The following TSHZ3 variants were observed in gnomAD, a reference collection of about 807,000 sequenced individuals.
TSHZ3 encodes teashirt homolog 3.
TSHZ3 carries 10 observed loss-of-function variants against 64.5 expected under a neutral mutation model. The observed-to-expected ratio is 0.16, with a 90% CI of 0.10 to 0.26. The LOEUF is 0.26. Ranked by LOEUF, TSHZ3 falls within the 10% of genes least tolerant of loss-of-function variation. The pLI is 1.00. For missense variants in TSHZ3, 1,242 were observed against 1,421.7 expected (o/e 0.87, Z 2.03); for synonymous variants, 608 against 593.1 (o/e 1.03, Z -0.36).
chr19:31,152,277 T>C (rs1017066786), intron 6 of TSHZ3, among the ~76,000 whole-genome samples: 2 of 60,518 alleles, frequency 3.3e-5, no homozygotes, highest in African/African-American at 1.6e-4. Flanking sequence ...CATGTGTATA[T>C]GTGAGCGTGT....
At chr19:31,229,624 A>G (rs1975513711) in intron 3 of TSHZ3, among the ~76,000 whole-genome samples, 1 of 152,226 alleles carries the variant, frequency 6.6e-6, no homozygotes, top group African/African-American at 2.4e-5. Context: ...ATCTTGATGA[A>G]ATTGATCACA....
intron 1 of TSHZ3, among the ~76,000 whole-genome samples, chr19:31,340,431 A>G (rs1917398008): frequency 6.7e-6 from 1 of 149,336 alleles, no homozygotes; most frequent in Non-Finnish European, 1.5e-5. Context: ...CCCGCCTGAA[A>G]AAAAATAATT....
chr19:31,293,469 C>T (rs930398891), intron 1 of TSHZ3, among the ~76,000 whole-genome samples: 6 of 152,188 alleles, frequency 3.9e-5, no homozygotes, highest in African/African-American at 9.7e-5. Context: ...TTTGATCTTG[C>T]CTTGATTGAT....
intron 1 of TSHZ3, among the ~76,000 whole-genome samples, chr19:31,297,046 G>T (rs1976674062): frequency 6.6e-6 from 1 of 152,226 alleles, no homozygotes; most frequent in Non-Finnish European, 1.5e-5. Flanking sequence ...GGCTGGAAGG[G>T]TGTTGGGAAA....
chr19:31,177,862 C>T lies in TSHZ3; in HGVS notation n.810-21445G>A, dbSNP rs759451896. Among the ~76,000 whole-genome samples, 84 of 152,236 alleles carry T rather than the reference C, an allele frequency of 5.5e-4. 2 individuals are homozygous for T. Among genetic ancestry groups the T allele is most frequent in the Non-Finnish European group, 5.0e-4 (34 of 68,022 alleles). On this transcript the variant is annotated intron_variant and non_coding_transcript_variant, in intron 5 of 6. Coordinates refer to the TSHZ3 transcript ENST00000651361. The stretch of plus-strand genomic sequence containing the variant: ...TATAGCACTGCGCAGAGAGGGGAGG[C>T]GGGGACAGAGCAGTGACATGAACCT...
intron 5 of TSHZ3, among the ~76,000 whole-genome samples, chr19:31,199,535 A>AAAAAT (rs926706529): frequency 1.1e-4 from 16 of 151,514 alleles, no homozygotes; most frequent in South Asian, 4.2e-4. Context: ...CACATGACCA[A>AAAAAT]AAAATAAAAT....
In TSHZ3 at chr19:31,277,642, A is replaced by G; in HGVS notation, c.2151T>C (p.Pro717=). The change falls in exon 2 of 2, where the codon CCT becomes CCC. Residue 717 remains proline (P), a synonymous_variant. Transcript: ENST00000240587. This position sits in a 1 kb window ranked among gnomAD's most constrained non-coding sequence, Gnocchi z 4.5. ...AIITDHPPEQ[P]FVNPLSALQS... is the part of the protein sequence containing the mutation. ...GCAGGGCGCTCAAAGGGTTAACAAAAGGCTGTTCAGGCGGGTGGTCGGTGA... is the reference window on the plus strand; with the variant it reads ...GCAGGGCGCTCAAAGGGTTAACAAAGGGCTGTTCAGGCGGGTGGTCGGTGA... 6.5e-7 allele frequency: 1 copy of G among 1,545,758 alleles called. No individual in the cohort carries two copies. Among genetic ancestry groups the G allele is most frequent in the Non-Finnish European group, 8.7e-7 (1 of 1,147,222 alleles).
At chr19:31,181,540 C>A (rs948065217) in intron 5 of TSHZ3, among the ~76,000 whole-genome samples, 9 of 151,998 alleles carry the variant, frequency 5.9e-5, no homozygotes, top group African/African-American at 2.2e-4. Context: ...GGAGGGAGAA[C>A]GGAGACAGTG....
At chr19:31,181,057 G>C (rs771031782) in intron 5 of TSHZ3, among the ~76,000 whole-genome samples, 1 of 152,104 alleles carries the variant, frequency 6.6e-6, no homozygotes, top group Admixed American at 6.5e-5. Flanking sequence ...TCATTAGGGG[G>C]AGAGATGACA....
intron 1 of TSHZ3, among the ~76,000 whole-genome samples, chr19:31,259,084 A>G (rs1325323889): frequency 3.3e-5 from 5 of 152,216 alleles, no homozygotes; most frequent in Non-Finnish European, 5.9e-5. Context: ...TCTAAGATTC[A>G]GTTTTAATAA....
chr19:31,150,309 T>C (rs908204550), exon 7 of TSHZ3, among the ~76,000 whole-genome samples: 2 of 152,168 alleles, frequency 1.3e-5, no homozygotes, highest in African/African-American at 4.8e-5. Flanking sequence ...CAGCTTGCAG[T>C]GGGCAAAGCG....
At chr19:31,349,842 A>G (rs2021655396), upstream of TSHZ3, among the ~76,000 whole-genome samples, 2 of 147,234 alleles carry the variant, frequency 1.4e-5, no homozygotes, top group South Asian at 4.3e-4. Flanking sequence ...GGCGTCGGCA[A>G]CAGGCAAGCT....
chr19:31,156,969 G>A (rs979869465), intron 5 of TSHZ3, among the ~76,000 whole-genome samples: 1 of 152,166 alleles, frequency 6.6e-6, no homozygotes, highest in Non-Finnish European at 1.5e-5. Flanking sequence ...CCCTCATGCA[G>A]CAGCGATGAG....
intron 1 of TSHZ3, among the ~76,000 whole-genome samples, chr19:31,343,130 C>G (rs887218363): frequency 6.6e-6 from 1 of 152,180 alleles, no homozygotes; most frequent in South Asian, 2.1e-4. Flanking sequence ...TGCCCTCCCT[C>G]CCGACAACAA....
At position 31,151,458 on chromosome 19, in the gene TSHZ3, A is replaced by T. The variant is rs149744351; in HGVS notation, n.1158T>A. On this transcript the variant is annotated non_coding_transcript_exon_variant, in exon 7 of 7. Transcript: ENST00000651361. The stretch of plus-strand genomic sequence containing the variant: ...GGCCTGATCCCCTTTCTTCTGACCT[A>T]GCCACCCAGTCTTCAACCCCCAAAA... Among the ~76,000 whole-genome samples the T allele has an allele frequency of 3.7e-3, 569 of 152,266 alleles. 3 individuals carry two copies. Among genetic ancestry groups the T allele is most frequent in the African/African-American group, 0.011 (473 of 41,538 alleles).
At chr19:31,247,599 T>C (rs530428800) in intron 1 of TSHZ3, among the ~76,000 whole-genome samples, 18 of 152,226 alleles carry the variant, frequency 1.2e-4, no homozygotes, top group African/African-American at 4.3e-4. Flanking sequence ...CAACTCACGA[T>C]CTGTGATTTC....
intron 5 of TSHZ3, among the ~76,000 whole-genome samples, chr19:31,186,375 A>T (rs1439229237): frequency 6.6e-6 from 1 of 152,210 alleles, no homozygotes; most frequent in Non-Finnish European, 1.5e-5. Flanking sequence ...TGCTGTTCTC[A>T]TGATACTGAG....
chr19:31,326,083 T>C (rs112880449), intron 1 of TSHZ3, among the ~76,000 whole-genome samples: 2 of 152,328 alleles, frequency 1.3e-5, no homozygotes, highest in African/African-American at 4.8e-5. Flanking sequence ...TGGATGCATG[T>C]CAAAGTAAAC....
chr19:31,307,787 C>T lies in TSHZ3; in HGVS notation c.41-28035G>A, dbSNP rs117740571. Among the ~76,000 whole-genome samples the T allele has an allele frequency of 9.2e-4, 140 of 152,322 alleles. 1 individual carries two copies. In the East Asian group the frequency reaches 0.026, roughly 29 times the overall value. On this transcript the variant is annotated intron_variant, in intron 1 of 1. Coordinates refer to ENST00000240587, the MANE Select transcript of TSHZ3 (RefSeq NM_020856.4). The stretch of plus-strand genomic sequence containing the variant: ...GGGCCTTTAATGGGTAACTGGCAGG[C>T]TCTGGCAGCCTTATTTCTGTTTTAG...
Sources: gnomAD v4.1 joint callset for allele counts (sites outside exome capture counted in the v4.1 genomes callset) on GRCh38, gnomAD v4.1.1 for gene constraint, Gnocchi (gnomAD v3.1) non-coding constraint, MANE v1.5 for transcripts, NCBI Gene and HGNC (gene_info 2026-07-23, HGNC 2026-07-21) for gene names.